PEX5L: variants seen among roughly 807,000 people sequenced by gnomAD.
The protein encoded by PEX5L is peroxisomal biogenesis factor 5 like.
In PEX5L, 30 loss-of-function variants were observed where a neutral mutation model predicts 84.0. That is an observed-to-expected ratio of 0.36 (90% CI 0.27 to 0.48). The LOEUF is 0.48. Among genes scored for constraint, PEX5L ranks in the 20% least tolerant of loss-of-function variants. The pLI is 0.99. For synonymous variants in PEX5L, 270 were observed against 283.1 expected (o/e 0.95, Z 0.46); for missense variants, 533 against 754.6 (o/e 0.71, Z 3.44).
chr3:179,945,179 C>T (rs537175947), intron 2 of PEX5L, among the ~76,000 whole-genome samples: 2 of 152,180 alleles, frequency 1.3e-5, no homozygotes, highest in Non-Finnish European at 2.9e-5. Flanking sequence ...TCTCTAGCAA[C>T]CAGAAGAAGC....
rs543421333 is a variant in PEX5L, at chr3:179,797,931, A to G, written c.*3897T>C. The G allele has an allele frequency of 6.6e-6, 1 of 152,296 alleles. No homozygotes were observed. Among genetic ancestry groups the G allele is most frequent in the East Asian group, 1.9e-4 (1 of 5,188 alleles). 9.4% of individuals were successfully genotyped at this position (152,296 alleles called of 1,614,324 possible). A position where few individuals can be genotyped will look rare whatever the true frequency, so the allele number is the denominator to read the frequency against. ...AGTACAGTCCAATCTTGGGGAACTG[A>G]TTCAGGGCAAATGAGGAAGGGTCTC... is the stretch of plus-strand genomic sequence containing the variant. On this transcript the variant is annotated 3_prime_UTR_variant, in exon 15 of 15. Transcript: ENST00000467460.
At chr3:180,020,171 A>C (rs2110503684) in intron 1 of PEX5L, among the ~76,000 whole-genome samples, 1 of 152,324 alleles carries the variant, frequency 6.6e-6, no homozygotes, top group East Asian at 1.9e-4. Flanking sequence ...ACAATTATAT[A>C]ATCCATGGGG....
At chr3:179,961,201 A>ATG (rs72242969) in intron 2 of PEX5L, among the ~76,000 whole-genome samples, 231 of 65,322 alleles carry the variant, frequency 3.5e-3, no homozygotes, top group Middle Eastern at 8.6e-3. Context: ...GTGTATGTGT[A>ATG]TGTGTGTGTG....
intron 7 of PEX5L, among the ~76,000 whole-genome samples, chr3:179,867,690 TA>T (rs1433605950): frequency 1.3e-5 from 2 of 152,076 alleles, no homozygotes; most frequent in African/African-American, 4.8e-5. Context: ...TCGCGGAGAG[TA>T]AACATTCAAA....
At position 180,036,757 on chromosome 3, in the gene PEX5L, A is replaced by T; in HGVS notation, c.-158T>A. On this transcript the variant is annotated 5_prime_UTR_variant, in exon 1 of 15. Transcript: ENST00000467460. ...CCGGGTACTCGGCCGGCCGGCGGCC[A>T]CTCGGCAGCGCTGCGGGCTGCCGGG... 1 of 748,116 alleles carries T rather than the reference A, an allele frequency of 1.3e-6. No homozygotes were observed. Among genetic ancestry groups the T allele is most frequent in the Non-Finnish European group, 2.4e-6 (1 of 418,220 alleles). 46.3% of individuals were successfully genotyped at this position (748,116 alleles called of 1,614,324 possible).
intron 1 of PEX5L, among the ~76,000 whole-genome samples, chr3:179,989,141 T>G (rs1787148162): frequency 6.6e-6 from 1 of 152,182 alleles, no homozygotes; most frequent in Non-Finnish European, 1.5e-5. Context: ...AGAGCTAAGT[T>G]GTCTGGTTCT....
At position 179,825,486 on chromosome 3, in the gene PEX5L, G is replaced by A. The variant is rs569354037; in HGVS notation, c.823-5510C>T. Among the ~76,000 whole-genome samples, 11 of 152,222 alleles carry A rather than the reference G, an allele frequency of 7.2e-5. No individual in the cohort carries two copies. In the East Asian group the frequency reaches 9.7e-4, roughly 13 times the overall value. On this transcript the variant is annotated intron_variant, in intron 8 of 14. Transcript: ENST00000467460. ...AATGTTATTAATGAATTGATTTACT[G>A]AGCCAAACGGGAAGGCTCAAAATTA... is the stretch of plus-strand genomic sequence containing the variant.
intron 1 of PEX5L, chr3:179,973,431 A>G: frequency 8.9e-7 from 1 of 1,120,220 alleles, no homozygotes; most frequent in Non-Finnish European, 1.1e-6. Context: ...AACTCACTGA[A>G]ATGAAAATTT....
At chr3:180,036,521 C>T (rs1172251066) in intron 1 of PEX5L, 58 bp downstream of exon 1, 3 of 1,537,074 alleles carry the variant, frequency 2.0e-6, no homozygotes, top group African/African-American at 2.7e-5. Context: ...CTTGGTGAAC[C>T]GCCTTGCTCT....
At chr3:179,948,869 TA>T (rs2109926552) in intron 2 of PEX5L, among the ~76,000 whole-genome samples, 1 of 152,348 alleles carries the variant, frequency 6.6e-6, no homozygotes, top group East Asian at 1.9e-4. Context: ...AACTGGCAAC[TA>T]AGAAGTTTTT....
At chr3:179,879,889 AG>A in intron 5 of PEX5L, 39 bp downstream of exon 5, 5 of 1,402,266 alleles carry the variant, frequency 3.6e-6, no homozygotes, top group Non-Finnish European at 4.8e-6. Context: ...ACATCAGCAG[AG>A]CAAGGTTGAG....
At chr3:179,804,373 C>T (rs1037997153) in intron 14 of PEX5L, 5 of 152,090 alleles carry the variant, frequency 3.3e-5, no homozygotes, top group Non-Finnish European at 7.4e-5. Flanking sequence ...AAAAGCATCA[C>T]GTTATAGCTT....
intron 10 of PEX5L, among the ~76,000 whole-genome samples, chr3:179,815,530 A>T (rs147567853): frequency 1.3e-5 from 2 of 152,356 alleles, no homozygotes; most frequent in Non-Finnish European, 2.9e-5. Flanking sequence ...GGTTGCAGTG[A>T]GCAGAGATTG....
chr3:179,900,763 T>C (rs1487409752), intron 2 of PEX5L: 1 of 1,477,496 alleles, frequency 6.8e-7, no homozygotes, highest in East Asian at 2.5e-5. Context: ...ACACCCATGT[T>C]AGTGCCTGCT....
At chr3:179,923,620 A>G (rs1770520024) in intron 2 of PEX5L, among the ~76,000 whole-genome samples, 1 of 152,222 alleles carries the variant, frequency 6.6e-6, no homozygotes, top group African/African-American at 2.4e-5. Flanking sequence ...TCACGGGCAT[A>G]AGGCTTAAGA....
At chr3:179,863,933 T>G (rs919153697) in intron 7 of PEX5L, among the ~76,000 whole-genome samples, 4 of 152,020 alleles carry the variant, frequency 2.6e-5, no homozygotes, top group African/African-American at 9.7e-5. Context: ...TGGGGGCAGG[T>G]CTTTCCTGTG....
At chr3:179,818,594 C>G (rs779429597) in intron 9 of PEX5L, among the ~76,000 whole-genome samples, 1 of 152,024 alleles carries the variant, frequency 6.6e-6, no homozygotes, top group Non-Finnish European at 1.5e-5. Flanking sequence ...CCCTACCCCC[C>G]TCCCCTGCCC....
At chr3:179,816,943 TA>T (rs1490343457) in intron 9 of PEX5L, among the ~76,000 whole-genome samples, 2 of 152,202 alleles carry the variant, frequency 1.3e-5, no homozygotes, top group African/African-American at 4.8e-5. Flanking sequence ...TTTCTTCTGA[TA>T]TTTTTTGTTC....
At chr3:179,814,120 C>T (rs72622574) in intron 10 of PEX5L, among the ~76,000 whole-genome samples, 23,834 of 152,036 alleles carry the variant, frequency 0.16, 1,978 homozygotes, top group South Asian at 0.2. Flanking sequence ...CACGCTTGGC[C>T]TATCTTTTAA....
Sources: allele counts gnomAD v4.1 joint callset (sites outside exome capture counted in the v4.1 genomes callset), GRCh38; gene constraint gnomAD v4.1.1; transcripts MANE v1.5; gene names NCBI Gene and HGNC (gene_info 2026-07-23, HGNC 2026-07-21).